Variants in EEPD1 observed in about 807,000 individuals in gnomAD.
EEPD1 encodes the protein endonuclease/exonuclease/phosphatase family domain containing 1.
EEPD1 carries 17 observed loss-of-function variants against 46.3 expected under a neutral mutation model. The ratio of observed to expected loss-of-function variants is 0.37; its 90% CI spans 0.25 to 0.55. EEPD1 has a LOEUF of 0.55. Ranked by LOEUF, EEPD1 falls within the 20% of genes least tolerant of loss-of-function variation. The pLI is 0.83. For missense variants in EEPD1, 673 were observed against 745.6 expected (o/e 0.90, Z 1.13); for synonymous variants, 313 against 315.6 (o/e 0.99, Z 0.09).
chr7:36,256,449 G>T (rs1562703859), intron 3 of EEPD1, among the ~76,000 whole-genome samples: 1 of 152,082 alleles, frequency 6.6e-6, no homozygotes, highest in Non-Finnish European at 1.5e-5. Flanking sequence ...TTATTGTGTG[G>T]GATTCTAAGT....
intron 2 of EEPD1, chr7:36,228,849 T>C (rs1356716980): frequency 1.3e-5 from 2 of 152,244 alleles, no homozygotes; most frequent in East Asian, 1.9e-4. Context: ...TTCCTAGTTT[T>C]ATTACTAGGG....
At chr7:36,203,709 G>A (rs1420193) in intron 2 of EEPD1, among the ~76,000 whole-genome samples, 146,629 of 152,308 alleles carry the variant, frequency 0.96, 70,845 homozygotes, top group East Asian at 1. Flanking sequence ...GCAGTGGGCC[G>A]AAAGTTGCCA....
chr7:36,238,044 T>C (rs1474001173), intron 2 of EEPD1, among the ~76,000 whole-genome samples: 1 of 152,098 alleles, frequency 6.6e-6, no homozygotes, highest in Admixed American at 6.6e-5. Context: ...AGGAAAGGGG[T>C]GGGCAATTCC....
At chr7:36,230,748 G>A (rs1189584604) in intron 2 of EEPD1, 3 of 152,170 alleles carry the variant, frequency 2.0e-5, no homozygotes, top group Non-Finnish European at 2.9e-5. Flanking sequence ...TCCTCCATTA[G>A]ACTCAGATGT....
chr7:36,231,492 A>G (rs1477009), intron 2 of EEPD1, among the ~76,000 whole-genome samples: 149,174 of 152,232 alleles, frequency 0.98, 73,164 homozygotes, highest in East Asian at 1. Context: ...GCTCCAGGCC[A>G]CTAACAGACA....
intron 2 of EEPD1, among the ~76,000 whole-genome samples, chr7:36,160,663 T>A (rs1784887503): frequency 1.4e-5 from 1 of 70,756 alleles, no homozygotes; most frequent in African/African-American, 4.7e-5. Context: ...ATAGTCTGAC[T>A]GCTGGGAGGT....
At chr7:36,207,595 C>T (rs1017564774) in intron 2 of EEPD1, among the ~76,000 whole-genome samples, 3 of 152,102 alleles carry the variant, frequency 2.0e-5, no homozygotes, top group African/African-American at 4.8e-5. Context: ...GTCTTTAGGA[C>T]GGGGATAAGC....
intron 2 of EEPD1, among the ~76,000 whole-genome samples, chr7:36,163,588 C>G (rs1833178): frequency 0.32 from 48,603 of 152,024 alleles, 8,486 homozygotes; most frequent in Middle Eastern, 0.43. Flanking sequence ...ATAAAAAGCT[C>G]TTCTGTTCAG....
chr7:36,238,624 G>A (rs563475257), intron 2 of EEPD1, among the ~76,000 whole-genome samples: 12 of 152,238 alleles, frequency 7.9e-5, no homozygotes, highest in Non-Finnish European at 1.6e-4. Flanking sequence ...ACTACGTTTT[G>A]CTTATTCGTT....
rs1787378275 is a variant in EEPD1 at position 36,288,731 on chromosome 7, C to T, written c.1315+954C>T. On this transcript the variant is annotated intron_variant, in intron 6 of 7. Transcript: ENST00000242108. ...GAGCTTTGATCGCACCACTGTACTC[C>T]AGTCTGGGCAACACAGCAAGACCCC... is the stretch of plus-strand genomic sequence containing the variant. Among the ~76,000 whole-genome samples the T allele has an allele frequency of 3.3e-5, 5 of 151,346 alleles. 1 individual carries two copies. Among genetic ancestry groups the T allele is most frequent in the Admixed American group, 3.3e-4 (5 of 15,216 alleles).
chr7:36,178,845 C>G (rs1785227019), intron 2 of EEPD1, among the ~76,000 whole-genome samples: 1 of 152,178 alleles, frequency 6.6e-6, no homozygotes, highest in South Asian at 2.1e-4. Flanking sequence ...CTTAATTGCT[C>G]CAGGGAGATA....
At chr7:36,265,957 C>T (rs1313153346) in intron 3 of EEPD1, among the ~76,000 whole-genome samples, 1 of 152,182 alleles carries the variant, frequency 6.6e-6, no homozygotes, top group African/African-American at 2.4e-5. Context: ...TTCAGCATTT[C>T]AGTAGGAAGT....
intron 2 of EEPD1, among the ~76,000 whole-genome samples, chr7:36,236,651 A>G (rs1180910417): frequency 6.6e-6 from 1 of 152,200 alleles, no homozygotes; most frequent in East Asian, 1.9e-4. Context: ...CTGTCTAGCT[A>G]AAGGTTTGTA....
intron 6 of EEPD1, among the ~76,000 whole-genome samples, chr7:36,294,951 G>C (rs939499850): frequency 2.0e-5 from 3 of 152,092 alleles, no homozygotes; most frequent in African/African-American, 7.2e-5. Context: ...GCCGAAGTGA[G>C]CGGATCACTT....
intron 2 of EEPD1, among the ~76,000 whole-genome samples, chr7:36,212,239 A>G (rs1785948425): frequency 6.6e-6 from 1 of 152,126 alleles, no homozygotes; most frequent in African/African-American, 2.4e-5. Flanking sequence ...CCCAGTGGGG[A>G]CTGTGTTAAG....
rs1337395476 is a variant in EEPD1 at position 36,197,051 on chromosome 7, C to T, written c.878+41849C>T. Among the ~76,000 whole-genome samples, 126 of 150,516 alleles carry T rather than the reference C, an allele frequency of 8.4e-4. 2 individuals carry two copies. The highest frequency in any genetic ancestry group is 2.8e-3 in the African/African-American group (115 of 40,870). On this transcript the variant is annotated intron_variant, in intron 2 of 7. Transcript: ENST00000242108. ...CCCGTCTGGGATGTGAGGAGCGCCT[C>T]GGCCCGGCCACGACCCCGTCTGGGA...
chr7:36,196,674 G>A (rs567749252), intron 2 of EEPD1, among the ~76,000 whole-genome samples: 1 of 152,210 alleles, frequency 6.6e-6, no homozygotes, highest in South Asian at 2.1e-4. Context: ...TCGGCCTCCC[G>A]AAGTGCCGGG....
chr7:36,250,916 C>T (rs1786728692), intron 3 of EEPD1, among the ~76,000 whole-genome samples: 1 of 152,146 alleles, frequency 6.6e-6, no homozygotes, highest in Non-Finnish European at 1.5e-5. Context: ...TAGCTTCTCT[C>T]ATCTACCAAA....
chr7:36,284,073 G>C (rs998134515), intron 4 of EEPD1, among the ~76,000 whole-genome samples: 1 of 152,192 alleles, frequency 6.6e-6, no homozygotes, highest in Non-Finnish European at 1.5e-5. Flanking sequence ...CGCCAGCCCT[G>C]GCACCTCTGA....
Sources: allele counts gnomAD v4.1 joint callset (sites outside exome capture counted in the v4.1 genomes callset), GRCh38; gene constraint gnomAD v4.1.1; transcripts MANE v1.5; gene names NCBI Gene and HGNC (gene_info 2026-07-23, HGNC 2026-07-21).